Variants in GDAP1 observed in about 807,000 individuals in gnomAD.
GDAP1 encodes ganglioside induced differentiation associated protein 1.
In GDAP1, 34 loss-of-function variants were observed where a neutral mutation model predicts 40.1. That is an observed-to-expected ratio of 0.85 (90% CI 0.64 to 1.13). The LOEUF (loss-of-function observed/expected upper bound fraction) is 1.13, where lower values mean the gene tolerates loss of function less well. GDAP1 is among the 50% of genes most tolerant of loss of function. GDAP1 has a pLI of 0.00. For synonymous variants in GDAP1, 170 were observed against 157.4 expected (o/e 1.08, Z -0.60); for missense variants, 374 against 433.7 (o/e 0.86, Z 1.22).
At chr8:74,377,002 T>A (rs1349684265) in intron 2 of GDAP1, among the ~76,000 whole-genome samples, 3 of 152,146 alleles carry the variant, frequency 2.0e-5, no homozygotes, top group Non-Finnish European at 4.4e-5. Flanking sequence ...TAAGTAGATA[T>A]CCACATTAAA....
At chr8:74,409,438 G>A (rs1007010430) in intron 2 of GDAP1, among the ~76,000 whole-genome samples, 36 of 149,640 alleles carry the variant, frequency 2.4e-4, no homozygotes, top group Non-Finnish European at 1.0e-4. Flanking sequence ...TGCAACCTCT[G>A]CCTCCCAGGC....
At chr8:74,402,388 G>A (rs774093529) in intron 2 of GDAP1, among the ~76,000 whole-genome samples, 2 of 150,424 alleles carry the variant, frequency 1.3e-5, no homozygotes, top group Non-Finnish European at 1.5e-5. Flanking sequence ...CTGGTGCACC[G>A]TTTTTTAAGC....
intron 2 of GDAP1, among the ~76,000 whole-genome samples, chr8:74,414,459 AC>A (rs767578683): frequency 5.3e-5 from 8 of 150,036 alleles, no homozygotes; most frequent in Non-Finnish European, 1.0e-4. Context: ...ATGAAGAACA[AC>A]CAAATGGAAA....
chr8:74,469,617 C>A (rs1395107722), intron 2 of GDAP1, among the ~76,000 whole-genome samples: 3 of 147,724 alleles, frequency 2.0e-5, no homozygotes, highest in African/African-American at 5.0e-5. Context: ...TGCAGTGAGC[C>A]GAGATCGCGC....
intron 3 of GDAP1, among the ~76,000 whole-genome samples, chr8:74,361,440 A>G (rs1176994325): frequency 1.3e-5 from 2 of 150,432 alleles, no homozygotes; most frequent in African/African-American, 2.5e-5. Flanking sequence ...CTCTGTTTCC[A>G]TGCTGGCGTG....
intron 2 of GDAP1, among the ~76,000 whole-genome samples, chr8:74,395,007 G>A (rs141639801): frequency 1.3e-5 from 2 of 152,334 alleles, no homozygotes; most frequent in Admixed American, 1.3e-4. Flanking sequence ...TCCCTTTGGA[G>A]TGTCTTCTGA....
chr8:74,427,273 A>G (rs568791393), intron 2 of GDAP1, among the ~76,000 whole-genome samples: 51 of 152,320 alleles, frequency 3.3e-4, no homozygotes, highest in African/African-American at 1.1e-3. Context: ...CATGGTAGCC[A>G]TATATGTGAT....
At chr8:74,362,131 G>T (rs1168387135) in intron 4 of GDAP1, among the ~76,000 whole-genome samples, 153 bp downstream of exon 4, 3 of 152,170 alleles carry the variant, frequency 2.0e-5, no homozygotes, top group African/African-American at 7.2e-5. Context: ...CTTTTAGAAA[G>T]AATTTTTTAT....
At chr8:74,371,607 C>T (rs1809751575), downstream of GDAP1, among the ~76,000 whole-genome samples, 1 of 151,466 alleles carries the variant, frequency 6.6e-6, no homozygotes, top group Non-Finnish European at 1.5e-5. Flanking sequence ...TTGCAGTGAG[C>T]CGAGATCGCG....
chr8:74,428,367 C>T (rs16938903), intron 2 of GDAP1, among the ~76,000 whole-genome samples: 6,911 of 152,174 alleles, frequency 0.045, 200 homozygotes, highest in East Asian at 0.12. Context: ...GTGGTGTCCC[C>T]GACCATCACA....
intron 2 of GDAP1, among the ~76,000 whole-genome samples, chr8:74,439,602 T>A (rs1806135932): frequency 6.6e-6 from 1 of 151,986 alleles, no homozygotes; most frequent in Admixed American, 6.6e-5. Flanking sequence ...GGTGTTTTTT[T>A]TTGTTTGTTT....
intron 2 of GDAP1, among the ~76,000 whole-genome samples, chr8:74,436,658 G>A (rs1806092510): frequency 6.6e-6 from 1 of 151,990 alleles, no homozygotes; most frequent in African/African-American, 2.4e-5. Flanking sequence ...CTGACCTCAG[G>A]CAATCTCCCT....
rs559133670 is a variant in GDAP1, at chr8:74,364,664, C to T, written c.*297C>T. 52 of 518,726 alleles carry T rather than the reference C, an allele frequency of 1.0e-4. No homozygotes were observed. The highest frequency in any genetic ancestry group is 5.5e-4 in the Middle Eastern group (1 of 1,818). The allele number at this position is 518,726 out of a possible 1,614,324, so 32.1% of individuals were successfully genotyped here. A position where few individuals can be genotyped will look rare whatever the true frequency, so the allele number is the denominator to read the frequency against. On this transcript the variant is annotated 3_prime_UTR_variant, in exon 6 of 6. Transcript: ENST00000220822. ...GAAAGTAAGCTTCGGGTGCCTCCAACGTTCATGGCTGCCTGTCTCATTGGT... is the reference window on the plus strand; with the variant it reads ...GAAAGTAAGCTTCGGGTGCCTCCAATGTTCATGGCTGCCTGTCTCATTGGT...
chr8:74,375,355 G>A (rs1307681961), intron 2 of GDAP1, among the ~76,000 whole-genome samples: 1 of 151,854 alleles, frequency 6.6e-6, no homozygotes, highest in Admixed American at 6.6e-5. Context: ...ACTATTCCTC[G>A]TGACTGTAGA....
At chr8:74,469,765 C>T (rs1806523181) in intron 2 of GDAP1, among the ~76,000 whole-genome samples, 1 of 151,606 alleles carries the variant, frequency 6.6e-6, no homozygotes, top group Admixed American at 6.6e-5. Flanking sequence ...CACCTGAGGT[C>T]GGGAGTTTGA....
intron 2 of GDAP1, among the ~76,000 whole-genome samples, chr8:74,454,686 C>A (rs1806314232): frequency 5.4e-4 from 2 of 3,716 alleles, no homozygotes; most frequent in Non-Finnish European, 0.012. Context: ...TTGCTCTGGG[C>A]CCTAAAATAA....
In GDAP1 at chr8:74,403,620, G is replaced by GTA. The variant is rs1222161320; in HGVS notation, c.165+52303_165+52304dup. On this transcript the variant is annotated intron_variant, in intron 2 of 2. Transcript: ENST00000523640. Reference sequence around the variant, plus strand: ...AATTTCACCAGAAGTTCCAGTAAAAGTATATGGATTATGGTCAGCAGCATT... The same window carrying GTA: ...AATTTCACCAGAAGTTCCAGTAAAAGTATATATGGATTATGGTCAGCAGCATT... Among the ~76,000 whole-genome samples the GTA allele has an allele frequency of 7.0e-4, 106 of 150,366 alleles. 9 individuals carry two copies. Among genetic ancestry groups the GTA allele is most frequent in the African/African-American group, 2.4e-3 (94 of 39,666 alleles).
rs530033128 is a variant in GDAP1 at position 74,470,768 on chromosome 8, C to T, written c.166-17910C>T. 3.7e-4 allele frequency among the ~76,000 whole-genome samples: 56 copies of T among 152,274 alleles called. 1 individual carries two copies. Among genetic ancestry groups the T allele is most frequent in the Non-Finnish European group, 5.3e-4 (36 of 68,026 alleles). ...ATTTATAATCCTTTGCGTATATACC[C>T]AGTAATGGGATGGCTGGGTCAAATG... On this transcript the variant is annotated intron_variant, in intron 2 of 2. Transcript: ENST00000523640.
At chr8:74,391,511 C>G (rs1012169768) in intron 2 of GDAP1, among the ~76,000 whole-genome samples, 1 of 151,682 alleles carries the variant, frequency 6.6e-6, no homozygotes, top group East Asian at 2.0e-4. Context: ...GGGCTGCACC[C>G]ACTGTCTAAC....
Sources: allele counts gnomAD v4.1 joint callset (sites outside exome capture counted in the v4.1 genomes callset), GRCh38; gene constraint gnomAD v4.1.1; transcripts MANE v1.5; gene names NCBI Gene and HGNC (gene_info 2026-07-23, HGNC 2026-07-21).